The following CCBE1 variants were observed in gnomAD, a reference collection of about 807,000 sequenced individuals.
CCBE1 encodes collagen and calcium-binding EGF domain-containing protein 1.
Under a neutral mutation model 50.0 loss-of-function variants are expected in CCBE1, and 37 were observed. That is an observed-to-expected ratio of 0.74 (90% confidence interval 0.57 to 0.97). The LOEUF (loss-of-function observed/expected upper bound fraction) is 0.97. CCBE1 is among the 50% of genes least tolerant of loss of function. CCBE1 has a pLI of 0.00. For synonymous variants in CCBE1, 234 were observed against 203.7 expected, an observed-to-expected ratio of 1.15 and a Z score of -1.27; for missense variants, 538 against 523.8, an observed-to-expected ratio of 1.03 and a Z score of -0.26.
intron 6 of CCBE1, among the ~76,000 whole-genome samples, chr18:59,453,994 T>C (rs182500701): frequency 2.2e-4 from 34 of 152,284 alleles, no homozygotes; most frequent in Admixed American, 4.6e-4. Flanking sequence ...TTAGTCCTCA[T>C]CCTTGGTGAC....
chr18:59,546,825 T>C (rs1915703072), intron 2 of CCBE1, among the ~76,000 whole-genome samples: 1 of 152,128 alleles, frequency 6.6e-6, no homozygotes, highest in Non-Finnish European at 1.5e-5. Flanking sequence ...CAATCTTTTA[T>C]CTAAATCAAC....
At chr18:59,571,467 G>A (rs1225271015) in intron 2 of CCBE1, among the ~76,000 whole-genome samples, 2 of 144,358 alleles carry the variant, frequency 1.4e-5, no homozygotes, top group African/African-American at 5.2e-5. Context: ...TCACACACCG[G>A]GGACTTTTGT....
intron 2 of CCBE1, among the ~76,000 whole-genome samples, chr18:59,582,845 G>T (rs1446191978): frequency 6.6e-6 from 1 of 152,158 alleles, no homozygotes; most frequent in East Asian, 1.9e-4. Flanking sequence ...AAGGCAGGTT[G>T]TCTGTCACCC....
chr18:59,656,408 C>T (rs2144676806), intron 2 of CCBE1, among the ~76,000 whole-genome samples: 1 of 152,276 alleles, frequency 6.6e-6, no homozygotes, highest in Admixed American at 6.5e-5. Context: ...TTTATTAAAT[C>T]TTAGGAGAGC....
At chr18:59,528,796 T>C (rs565556375) in intron 2 of CCBE1, among the ~76,000 whole-genome samples, 21 of 152,318 alleles carry the variant, frequency 1.4e-4, no homozygotes, top group African/African-American at 5.1e-4. Flanking sequence ...GCATCACCAA[T>C]GCAGGCTGCA....
intron 2 of CCBE1, among the ~76,000 whole-genome samples, chr18:59,675,623 T>G (rs889721302): frequency 6.6e-6 from 1 of 151,456 alleles, no homozygotes; most frequent in African/African-American, 2.5e-5. Context: ...CAAGCATTAC[T>G]GAGTTAAAGG....
intron 3 of CCBE1, among the ~76,000 whole-genome samples, chr18:59,473,247 A>G (rs369304043): frequency 6.6e-6 from 1 of 152,208 alleles, no homozygotes. Flanking sequence ...GTCTGTGTAT[A>G]TAATTCTAGG....
chr18:59,580,037 CAG>C (rs1466763557), intron 2 of CCBE1, among the ~76,000 whole-genome samples: 2 of 152,130 alleles, frequency 1.3e-5, no homozygotes, highest in Non-Finnish European at 2.9e-5. Context: ...CTGTGAAAGC[CAG>C]AGAGGGAAAA....
intron 3 of CCBE1, among the ~76,000 whole-genome samples, chr18:59,475,658 C>T (rs1298446326): frequency 1.3e-5 from 2 of 152,152 alleles, no homozygotes; most frequent in African/African-American, 4.8e-5. Context: ...TTTGTCTACC[C>T]TCTCACCGCC....
chr18:59,584,406 C>T (rs1029494473), intron 2 of CCBE1, among the ~76,000 whole-genome samples: 8 of 151,240 alleles, frequency 5.3e-5, no homozygotes, highest in Admixed American at 1.3e-4. Context: ...TGCTAAATGA[C>T]GAGTTAATGG....
chr18:59,594,570 G>C (rs1347400975), intron 2 of CCBE1, among the ~76,000 whole-genome samples: 1 of 152,144 alleles, frequency 6.6e-6, no homozygotes, highest in Non-Finnish European at 1.5e-5. Context: ...CAAAGTTAAG[G>C]CATCAAAAAT....
intron 2 of CCBE1, among the ~76,000 whole-genome samples, chr18:59,484,802 A>C (rs976765090): frequency 6.6e-6 from 1 of 152,226 alleles, no homozygotes; most frequent in Non-Finnish European, 1.5e-5. Flanking sequence ...CTGGGAATAC[A>C]TTATTTTGCA....
intron 2 of CCBE1, among the ~76,000 whole-genome samples, chr18:59,535,988 G>A (rs1915232536): frequency 1.3e-5 from 2 of 152,166 alleles, no homozygotes; most frequent in South Asian, 4.1e-4. Flanking sequence ...GTGCCTGGCT[G>A]GTGTGTAATT....
chr18:59,560,620 G>T (rs1013862325), intron 2 of CCBE1, among the ~76,000 whole-genome samples: 1 of 152,132 alleles, frequency 6.6e-6, no homozygotes, highest in African/African-American at 2.4e-5. Flanking sequence ...AAGAAAAAAA[G>T]ACCTACATGG....
intron 2 of CCBE1, among the ~76,000 whole-genome samples, chr18:59,584,635 T>C (rs1310608480): frequency 6.6e-6 from 1 of 152,130 alleles, no homozygotes; most frequent in Non-Finnish European, 1.5e-5. Context: ...TCTTGCGAGA[T>C]CTGGTTGTCT....
rs78235853 is a variant in CCBE1, at chr18:59,596,359, C to G, written c.212+100270G>C. Among the ~76,000 whole-genome samples the G allele has an allele frequency of 2.5e-3, 375 of 152,268 alleles. 6 individuals carry two copies. In the East Asian group the frequency reaches 0.036, roughly 15 times the overall value. On this transcript the variant is annotated intron_variant, in intron 2 of 10. Coordinates refer to ENST00000439986, the MANE Select transcript of CCBE1 (RefSeq NM_133459.4). Reference sequence around the variant, plus strand: ...TTTAAAAATAATTTTGTCCAATAATCATTAGTCTTCCTTGTTCAACACTGA... The same window carrying G: ...TTTAAAAATAATTTTGTCCAATAATGATTAGTCTTCCTTGTTCAACACTGA...
intron 2 of CCBE1, among the ~76,000 whole-genome samples, chr18:59,606,797 G>A (rs760979548): frequency 4.6e-5 from 7 of 152,148 alleles, no homozygotes; most frequent in Admixed American, 6.5e-5. Flanking sequence ...TTTGCAACAC[G>A]AATGCTATTT....
At chr18:59,481,305 T>TA (rs1202296483) in intron 2 of CCBE1, among the ~76,000 whole-genome samples, 1 of 147,928 alleles carries the variant, frequency 6.8e-6, no homozygotes, top group Non-Finnish European at 1.5e-5. Flanking sequence ...AAAAAAGACT[T>TA]AAAAAAAGGA....
intron 2 of CCBE1, among the ~76,000 whole-genome samples, chr18:59,660,466 G>C (rs62094392): frequency 0.36 from 55,259 of 151,804 alleles, 10,853 homozygotes; most frequent in African/African-American, 0.5. Context: ...ACCAACTTTA[G>C]TTGCTCTTTT....
Sources: allele counts gnomAD v4.1 joint callset (sites outside exome capture counted in the v4.1 genomes callset), GRCh38; gene constraint gnomAD v4.1.1; transcripts MANE v1.5; gene names NCBI Gene and HGNC (gene_info 2026-07-23, HGNC 2026-07-21).